Variants in USH2A observed in about 807,000 individuals in gnomAD.
USH2A encodes the protein Usher syndrome 2A (autosomal recessive, mild).
A neutral mutation model predicts 538.9 loss-of-function variants in USH2A; 443 were observed. The observed-to-expected ratio is 0.82, with a 90% CI of 0.76 to 0.89. USH2A has a LOEUF of 0.89. Ranked by LOEUF, USH2A falls within the 40% of genes least tolerant of loss-of-function variation. The pLI is 0.00. For missense variants in USH2A, 6,633 were observed against 6,324.8 expected, an observed-to-expected ratio of 1.05 and a Z score of -1.65; for synonymous variants, 2,413 against 2,273.5, an observed-to-expected ratio of 1.06 and a Z score of -1.75.
chr1:216,303,747 C>CT (rs1177418482), intron 9 of USH2A, among the ~76,000 whole-genome samples: 1 of 151,878 alleles, frequency 6.6e-6, no homozygotes, highest in Non-Finnish European at 1.5e-5. Context: ...GCCAGGGAAT[C>CT]TTTTTTGAAT....
chr1:215,643,398 C>T (rs1379578685), intron 67 of USH2A, among the ~76,000 whole-genome samples: 1 of 152,078 alleles, frequency 6.6e-6, no homozygotes, highest in Non-Finnish European at 1.5e-5. Context: ...GAACCTGTAT[C>T]ATAGTCATTT....
At chr1:216,264,512 G>C (rs2036435339) in intron 11 of USH2A, among the ~76,000 whole-genome samples, 1 of 152,058 alleles carries the variant, frequency 6.6e-6, no homozygotes, top group African/African-American at 2.4e-5. Flanking sequence ...TGGTCAGGCT[G>C]GTCTCGAACT....
At chr1:215,686,708 G>A (rs1468445535) in intron 61 of USH2A, among the ~76,000 whole-genome samples, 1 of 152,088 alleles carries the variant, frequency 6.6e-6, no homozygotes, top group African/African-American at 2.4e-5. Context: ...ATCATGGTCA[G>A]TGACTAATGA....
intron 32 of USH2A, among the ~76,000 whole-genome samples, chr1:216,002,286 T>G (rs1668283175): frequency 6.6e-6 from 1 of 152,152 alleles, no homozygotes; most frequent in Admixed American, 6.6e-5. Flanking sequence ...AAAATTATAA[T>G]GTGTTTATAT....
chr1:215,627,436 C>T (rs1656083579), intron 71 of USH2A, among the ~76,000 whole-genome samples: 1 of 61,664 alleles, frequency 1.6e-5, no homozygotes, highest in Non-Finnish European at 3.9e-5. Context: ...TTCCTTCCTT[C>T]CTTCCTTCCT....
At chr1:215,895,557 T>A (rs368775936) in intron 40 of USH2A, among the ~76,000 whole-genome samples, 3 of 152,178 alleles carry the variant, frequency 2.0e-5, no homozygotes, top group African/African-American at 2.4e-5. Flanking sequence ...CAGAAGAACC[T>A]CTGTTCCTTT....
chr1:215,896,010 T>C (rs561614456), intron 40 of USH2A, among the ~76,000 whole-genome samples: 1 of 152,342 alleles, frequency 6.6e-6, no homozygotes, highest in East Asian at 1.9e-4. Context: ...GATATCATCA[T>C]CTTATGGGTC....
chr1:215,752,601 T>G (rs1384493877), intron 58 of USH2A, among the ~76,000 whole-genome samples: 1 of 152,180 alleles, frequency 6.6e-6, no homozygotes, highest in Non-Finnish European at 1.5e-5. Flanking sequence ...AGGTAAAGCT[T>G]TCTGGTTACT....
intron 13 of USH2A, among the ~76,000 whole-genome samples, chr1:216,237,244 C>T (rs1032601300): frequency 6.6e-6 from 1 of 152,034 alleles, no homozygotes; most frequent in African/African-American, 2.4e-5. Flanking sequence ...TTTATGCCTA[C>T]TACTTGGGTT....
chr1:215,678,462 G>A lies in USH2A; in HGVS notation c.12294+1687C>T, dbSNP rs146196989. 3.6e-3 allele frequency among the ~76,000 whole-genome samples: 548 copies of A among 152,242 alleles called. 3 individuals carry two copies. Among genetic ancestry groups the A allele is most frequent in the Non-Finnish European group, 5.9e-3 (401 of 68,008 alleles). ...CTTGCATTTGCTGTTCATTTTGTCT[G>A]GAACATTTTGCCCCCATATCCTCAC... On this transcript the variant is annotated intron_variant, in intron 62 of 71. Coordinates refer to ENST00000307340, the MANE Select transcript of USH2A (RefSeq NM_206933.4).
At chr1:215,766,018 G>T (rs956860762) in intron 56 of USH2A, among the ~76,000 whole-genome samples, 1 of 152,154 alleles carries the variant, frequency 6.6e-6, no homozygotes, top group Non-Finnish European at 1.5e-5. Flanking sequence ...TGTATCATGG[G>T]AAATTAACAA....
chr1:216,070,292 G>C lies in USH2A; in HGVS notation c.5858C>G (p.Ala1953Gly), dbSNP rs41302239. 7.6e-4 allele frequency: 1,231 copies of C among 1,613,850 alleles called. 4 individuals carry two copies. The Middle Eastern group carries it at 7.9e-3, about 10-fold the overall frequency. Residue 1953 changes from alanine (A) to glycine (G), a missense_variant and splice_region_variant, in exon 30 of 72, where the codon GCT becomes GGT. Coordinates refer to ENST00000307340, the MANE Select transcript of USH2A (RefSeq NM_206933.4). ...TGAGGGAGTTGGCACACTTTGTGGA[G>C]CTGTGAAGGAATAAAAGAGAAAATA... is the stretch of plus-strand genomic sequence containing the variant. ...DWSRGRTTGAAPQSVPTPSRV... is the reference protein window; with the variant it reads ...DWSRGRTTGAGPQSVPTPSRV...
chr1:216,167,043 A>C (rs1359156815), intron 21 of USH2A, among the ~76,000 whole-genome samples: 1 of 152,114 alleles, frequency 6.6e-6, no homozygotes, highest in Non-Finnish European at 1.5e-5. Flanking sequence ...ACTGCTCATC[A>C]GTCAAGGAAC....
chr1:215,773,488 C>G (rs558136667), intron 55 of USH2A, among the ~76,000 whole-genome samples: 5,756 of 99,118 alleles, frequency 0.058, 436 homozygotes, highest in African/African-American at 0.24. Flanking sequence ...CTCTCTGTCT[C>G]TCTGTCTCTC....
chr1:216,238,291 C>T (rs1015646144), intron 13 of USH2A, among the ~76,000 whole-genome samples: 4 of 152,144 alleles, frequency 2.6e-5, no homozygotes, highest in Non-Finnish European at 4.4e-5. Context: ...CACTCTCTGC[C>T]TCTAGTTCTC....
intron 3 of USH2A, among the ~76,000 whole-genome samples, chr1:216,414,674 A>G (rs2039547640): frequency 6.6e-6 from 1 of 152,044 alleles, no homozygotes; most frequent in African/African-American, 2.4e-5. Flanking sequence ...AACGAACTAA[A>G]ATTCTGGTTT....
intron 35 of USH2A, among the ~76,000 whole-genome samples, chr1:215,984,945 A>G (rs2102469893): frequency 6.6e-6 from 1 of 152,298 alleles, no homozygotes; most frequent in Non-Finnish European, 1.5e-5. Context: ...ATTGCGGGAT[A>G]ATGCCTTATT....
In USH2A at chr1:215,846,034, C is replaced by A. The variant is rs771051185; in HGVS notation, c.8846-1G>T. ...ACTTCACCTTGTAGGTCTTGAACAG[C>A]TGTCAACAATAAATGCAGGACATGG... is the stretch of plus-strand genomic sequence containing the variant. On this transcript the variant is annotated splice_acceptor_variant, in intron 44 of 71. Coordinates refer to ENST00000307340, the MANE Select transcript of USH2A (RefSeq NM_206933.4). LOFTEE classifies it high-confidence loss of function. The A allele has an allele frequency of 1.9e-6, 3 of 1,613,402 alleles. No homozygotes were observed. The highest frequency in any genetic ancestry group is 2.5e-6 in the Non-Finnish European group (3 of 1,179,772).
At chr1:215,773,101 A>C (rs1479665967) in intron 55 of USH2A, among the ~76,000 whole-genome samples, 1 of 152,152 alleles carries the variant, frequency 6.6e-6, no homozygotes, top group Non-Finnish European at 1.5e-5. Flanking sequence ...TTTTCTTTTT[A>C]GTAAAAAGCC....
Sources: gnomAD v4.1 joint callset for allele counts (sites outside exome capture counted in the v4.1 genomes callset) on GRCh38, gnomAD v4.1.1 for gene constraint, MANE v1.5 for transcripts, NCBI Gene and HGNC (gene_info 2026-07-23, HGNC 2026-07-21) for gene names.